The following HIVEP3 variants were observed in gnomAD, a reference collection of about 807,000 sequenced individuals.
The protein encoded by HIVEP3 is HIVEP zinc finger 3, also known as transcription factor HIVEP3.
HIVEP3 carries 49 observed loss-of-function variants against 152.8 expected under a neutral mutation model. The observed-to-expected ratio is 0.32, with a 90% confidence interval of 0.26 to 0.41. The LOEUF is 0.41. Ranked by LOEUF, HIVEP3 falls within the 10% of genes least tolerant of loss-of-function variation. The pLI is 1.00. For synonymous variants in HIVEP3, 1,269 were observed against 1,289.0 expected, an observed-to-expected ratio of 0.98 and a Z score of 0.33; for missense variants, 2,790 against 3,103.3, an observed-to-expected ratio of 0.90 and a Z score of 2.40.
At position 41,786,215 on chromosome 1, in the gene HIVEP3, A is replaced by G. The variant is rs538739808; in HGVS notation, c.-800-85220T>C. ...TCTAAAAAATGGGAACATTAATGAT[A>G]CTTGCATCCACCCTAATACAGGCTT... On this transcript the variant is annotated intron_variant, in intron 1 of 8. Transcript: ENST00000372583. 3.3e-5 allele frequency among the ~76,000 whole-genome samples: 5 copies of G among 152,314 alleles called. No individual in the cohort carries two copies. In the East Asian group the frequency reaches 7.7e-4, roughly 23 times the overall value.
intron 3 of HIVEP3, among the ~76,000 whole-genome samples, chr1:41,610,688 C>CT (rs1219292749): frequency 6.6e-6 from 1 of 152,244 alleles, no homozygotes; most frequent in Non-Finnish European, 1.5e-5. Flanking sequence ...GCTTCTCCAG[C>CT]TCCACCCAGG....
intron 1 of HIVEP3, among the ~76,000 whole-genome samples, chr1:41,765,557 TG>T (rs1388106913): frequency 6.6e-6 from 1 of 152,238 alleles, no homozygotes; most frequent in African/African-American, 2.4e-5. Flanking sequence ...CCTCTTTGTT[TG>T]GAAGTTAACC....
At position 41,614,590 on chromosome 1, in the gene HIVEP3, C is replaced by T. The variant is rs540217161; in HGVS notation, c.-522+14159G>A. The stretch of plus-strand genomic sequence containing the variant: ...AGTTAATCCCCTTTTTGTCTTTTTG[C>T]AATTTTAACTTGATTTATTCCACAG... On this transcript the variant is annotated intron_variant, in intron 3 of 8. Coordinates refer to ENST00000372583, the MANE Select transcript of HIVEP3 (RefSeq NM_024503.5). 2.6e-5 allele frequency among the ~76,000 whole-genome samples: 4 copies of T among 152,206 alleles called. No homozygotes were observed. In the South Asian group the frequency reaches 8.3e-4, roughly 31 times the overall value.
chr1:41,962,076 G>A (rs913539127), intron 1 of HIVEP3, among the ~76,000 whole-genome samples: 3 of 152,246 alleles, frequency 2.0e-5, no homozygotes, highest in African/African-American at 7.2e-5. Context: ...TAAAAAATTG[G>A]AGGGGTACTG....
chr1:41,913,695 C>G (rs1350750435), intron 1 of HIVEP3, among the ~76,000 whole-genome samples: 2 of 152,202 alleles, frequency 1.3e-5, no homozygotes, highest in Admixed American at 1.3e-4. Flanking sequence ...CTGTATCCAG[C>G]TCCTCTGATC....
At chr1:41,998,887 C>CTT (rs1184823372) in intron 1 of HIVEP3, among the ~76,000 whole-genome samples, 970 of 77,250 alleles carry the variant, frequency 0.013, 122 homozygotes, top group African/African-American at 0.046. Context: ...TTTTCTCTCT[C>CTT]TCTTTTTTTT....
intron 1 of HIVEP3, among the ~76,000 whole-genome samples, chr1:41,866,130 T>A (rs868560540): frequency 1.1e-4 from 17 of 152,174 alleles, no homozygotes; most frequent in Middle Eastern, 3.2e-3. Context: ...CTCTCAGGAA[T>A]CTTCAGCACC....
At chr1:41,724,735 C>T (rs1646728479) in intron 1 of HIVEP3, among the ~76,000 whole-genome samples, 1 of 152,200 alleles carries the variant, frequency 6.6e-6, no homozygotes, top group Non-Finnish European at 1.5e-5. Context: ...ACACACAGGC[C>T]AAACATCTGG....
intron 5 of HIVEP3, among the ~76,000 whole-genome samples, chr1:41,562,622 TCTCTCTCTCTCC>T (rs1558063065): frequency 1.1e-3 from 122 of 113,052 alleles, no homozygotes; most frequent in African/African-American, 4.2e-3. Context: ...TCTCTCTCTC[TCTCTCTCTCTCC>T]CTCTCTCTCT....
chr1:41,784,264 T>C (rs1217972894), intron 1 of HIVEP3, among the ~76,000 whole-genome samples: 7 of 152,266 alleles, frequency 4.6e-5, no homozygotes, highest in African/African-American at 1.7e-4. Flanking sequence ...TACTTTATTT[T>C]TAACATGTAG....
At chr1:41,772,843 T>G (rs1570504902) in intron 1 of HIVEP3, among the ~76,000 whole-genome samples, 1 of 152,142 alleles carries the variant, frequency 6.6e-6, no homozygotes, top group African/African-American at 2.4e-5. Context: ...CTGGGACAGG[T>G]TGCAGTGAGC....
At chr1:41,539,777 CATT>C (rs1318818276) in intron 5 of HIVEP3, among the ~76,000 whole-genome samples, 5 of 152,230 alleles carry the variant, frequency 3.3e-5, no homozygotes, top group Non-Finnish European at 5.9e-5. Flanking sequence ...TTCTTCTTCT[CATT>C]ATTATTTTTG....
chr1:41,832,932 T>A (rs2124358666), intron 1 of HIVEP3, among the ~76,000 whole-genome samples: 1 of 152,340 alleles, frequency 6.6e-6, no homozygotes, highest in Non-Finnish European at 1.5e-5. Context: ...GGTCTAGGAA[T>A]GGATCCAGAT....
intron 1 of HIVEP3, among the ~76,000 whole-genome samples, chr1:41,727,491 C>T (rs698048): frequency 0.014 from 2,085 of 152,154 alleles, 35 homozygotes; most frequent in African/African-American, 0.046. Flanking sequence ...CACTGCCAGA[C>T]GGAAATGAAA....
intron 3 of HIVEP3, among the ~76,000 whole-genome samples, chr1:41,606,996 T>A (rs778118330): frequency 2.6e-5 from 4 of 152,158 alleles, no homozygotes; most frequent in African/African-American, 9.7e-5. Context: ...TTTTTATTTT[T>A]ATTTTTAAAT....
chr1:41,513,160 T>A lies in HIVEP3; in HGVS notation c.6061A>T (p.Met2021Leu). 6.2e-7 allele frequency: 1 copy of A among 1,613,846 alleles called. No individual in the cohort carries two copies. The highest frequency in any genetic ancestry group is 2.2e-5 in the East Asian group (1 of 44,884). ...GGAGACCCACAAGGGAGAGCGCCCA[T>A]GCCCCTTCCTGGGTCCACGTGCAGG... ...PGLHVDPGRG[M>L]GALPCGSPRL... Residue 2021 changes from methionine to leucine, a missense_variant, in exon 8 of 9, where the codon ATG becomes TTG. By Grantham distance (15) the Met-to-Leu change is conservative. Around this residue, in one of 9 missense-constraint regions of HIVEP3, gnomAD observed 816 missense variants for 806.5 expected, o/e 1.01. Transcript: ENST00000372583.
intron 1 of HIVEP3, among the ~76,000 whole-genome samples, chr1:41,997,006 T>C (rs1645399456): frequency 6.6e-6 from 1 of 152,196 alleles, no homozygotes; most frequent in Non-Finnish European, 1.5e-5. Context: ...ACCCAGATAA[T>C]CCAGGATAAT....
In HIVEP3 at chr1:41,990,642, C is replaced by T. The variant is rs1418123255; in HGVS notation, n.119+45165G>A. Reference sequence around the variant, plus strand: ...CCAGGAATTGAACTCAGCTCTGCACCAAGCGGACCTAATAGACATCTACAG... The same window carrying T: ...CCAGGAATTGAACTCAGCTCTGCACTAAGCGGACCTAATAGACATCTACAG... On this transcript the variant is annotated intron_variant and non_coding_transcript_variant, in intron 1 of 3. Transcript: ENST00000489103. Among the ~76,000 whole-genome samples the T allele has an allele frequency of 3.3e-5, 5 of 151,108 alleles. No homozygotes were observed. In the East Asian group the frequency reaches 9.7e-4, roughly 29 times the overall value.
chr1:41,881,076 G>A (rs1644253486), intron 1 of HIVEP3, among the ~76,000 whole-genome samples: 1 of 152,168 alleles, frequency 6.6e-6, no homozygotes, highest in Non-Finnish European at 1.5e-5. Flanking sequence ...TTGGAGAAAG[G>A]AGTTGGCTGT....
Sources: allele counts gnomAD v4.1 joint callset (sites outside exome capture counted in the v4.1 genomes callset), GRCh38; gene constraint gnomAD v4.1.1; regional missense constraint gnomAD v4.1.1; transcripts MANE v1.5; gene names NCBI Gene and HGNC (gene_info 2026-07-23, HGNC 2026-07-21).